The following ESAM variants were observed in gnomAD, a reference collection of about 807,000 sequenced individuals.
The protein encoded by ESAM is endothelial cell adhesion molecule.
In ESAM, 23 loss-of-function variants were observed where a neutral mutation model predicts 31.8. That is an observed-to-expected ratio of 0.72 (90% CI 0.52 to 1.03). The LOEUF is 1.03. ESAM is among the 50% of genes least tolerant of loss of function. The pLI is 0.00. For synonymous variants in ESAM, 216 were observed against 207.2 expected (o/e 1.04, Z -0.37); for missense variants, 478 against 488.9 (o/e 0.98, Z 0.21).
rs1944179561 is a variant in ESAM, at chr11:124,758,244, C to G, written c.249+105G>C. 3 of 1,345,794 alleles carry G rather than the reference C, an allele frequency of 2.2e-6. No homozygotes were observed. In the South Asian group the frequency reaches 3.8e-5, roughly 17 times the overall value. The allele number at this position is 1,345,794 out of a possible 1,614,324, so 83.4% of individuals were successfully genotyped here. Reference sequence around the variant, plus strand: ...CTTCTGCTTTTCCCTGAAACTCCTTCCCCGGCCCCCATTCCCTCTCCACCC... The same window carrying G: ...CTTCTGCTTTTCCCTGAAACTCCTTGCCCGGCCCCCATTCCCTCTCCACCC... On this transcript the variant is annotated intron_variant, in intron 2 of 6. Transcript: ENST00000278927.
At chr11:124,758,559 G>C in intron 1 of ESAM, 32 bp from the exon 2 acceptor site, 1 of 1,479,272 alleles carries the variant, frequency 6.8e-7, no homozygotes, top group Middle Eastern at 2.3e-4. Context: ...GAGTGCCCAG[G>C]ACCGGCTCCC....
At chr11:124,756,148 A>G (rs1591428797) in intron 4 of ESAM, 59 bp downstream of exon 4, 1 of 1,607,012 alleles carries the variant, frequency 6.2e-7, no homozygotes, top group African/African-American at 1.3e-5. Context: ...TCCCTGTGGT[A>G]CCTCTCATCT....
At position 124,756,265 on chromosome 11, in the gene ESAM, G is replaced by C; in HGVS notation, c.549C>G (p.Val183=). ...SCQSPRSKPA[V]QYQWDRQLPS... Reference sequence around the variant, plus strand: ...GAAGCTGCCGATCCCACTGGTATTGGACAGCGGGCTTACTCCTTGGAGACT... The same window carrying C: ...GAAGCTGCCGATCCCACTGGTATTGCACAGCGGGCTTACTCCTTGGAGACT... Residue 183 remains valine (V), a synonymous_variant, in exon 4 of 7, where the codon GTC becomes GTG. Coordinates refer to ENST00000278927, the MANE Select transcript of ESAM (RefSeq NM_138961.3). 1 of 1,614,168 alleles carries C rather than the reference G, an allele frequency of 6.2e-7. No homozygotes were observed. Among genetic ancestry groups the C allele is most frequent in the Non-Finnish European group, 8.5e-7 (1 of 1,180,044 alleles).
intron 1 of ESAM, among the ~76,000 whole-genome samples, chr11:124,760,583 G>A (rs184489987): frequency 3.7e-4 from 56 of 152,362 alleles, no homozygotes; most frequent in Admixed American, 1.8e-3. Context: ...GCGCCTGCAC[G>A]TTGCACCGGG....
chr11:124,758,316 C>T lies in ESAM; in HGVS notation c.249+33G>A, dbSNP rs781149614. 11 of 1,613,660 alleles carry T rather than the reference C, an allele frequency of 6.8e-6. No individual in the cohort carries two copies. The Admixed American group carries it at 1.7e-4, about 24-fold the overall frequency. On this transcript the variant is annotated intron_variant, in intron 2 of 6. Coordinates refer to ENST00000278927, the MANE Select transcript of ESAM (RefSeq NM_138961.3). The stretch of plus-strand genomic sequence containing the variant: ...TGCTTACAACCCCCTCTGGGCGCAA[C>T]TTGCCGCTGGCTGACAGGCGTTCTT...
rs1944115670 is a variant in ESAM at position 124,753,501 on chromosome 11, G to A, written c.*145C>T. On this transcript the variant is annotated 3_prime_UTR_variant, in exon 7 of 7. Coordinates refer to ENST00000278927, the MANE Select transcript of ESAM (RefSeq NM_138961.3). ...CTGGACACTTAGGTCTTACTGAGAT[G>A]GTTTTCCCACAGTAAAGAGAGGTGG... 1.2e-6 allele frequency: 1 copy of A among 854,034 alleles called. No individual in the cohort carries two copies. The highest frequency in any genetic ancestry group is 1.7e-5 in the African/African-American group (1 of 58,440). 52.9% of individuals were successfully genotyped at this position (854,034 alleles called of 1,614,324 possible). A position where few individuals can be genotyped will look rare whatever the true frequency, so the allele number is the denominator to read the frequency against.
intron 4 of ESAM, among the ~76,000 whole-genome samples, chr11:124,755,745 C>G (rs1181273258): frequency 6.6e-6 from 1 of 152,180 alleles, no homozygotes; most frequent in African/African-American, 2.4e-5. Context: ...TTCCATATGA[C>G]CACAATAGCA....
At chr11:124,760,472 C>T (rs920517534) in intron 1 of ESAM, among the ~76,000 whole-genome samples, 1 of 152,220 alleles carries the variant, frequency 6.6e-6, no homozygotes, top group Non-Finnish European at 1.5e-5. Flanking sequence ...CTGAGAAACT[C>T]CCCCCGCGGG....
At position 124,762,247 on chromosome 11, in the gene ESAM, G is replaced by T; in HGVS notation, c.-93C>A. The T allele has an allele frequency of 9.6e-7, 1 of 1,038,208 alleles. No individual in the cohort carries two copies. Among genetic ancestry groups the T allele is most frequent in the East Asian group, 3.1e-5 (1 of 32,122 alleles). 64.3% of individuals were successfully genotyped at this position (1,038,208 alleles called of 1,614,324 possible). A position where few individuals can be genotyped will look rare whatever the true frequency, so the allele number is the denominator to read the frequency against. Reference sequence around the variant, plus strand: ...GCTGCGCGACGGCCGGAGCGTGCGCGGGAGCCGAGCCGCTGACACCCAGGG... The same window carrying T: ...GCTGCGCGACGGCCGGAGCGTGCGCTGGAGCCGAGCCGCTGACACCCAGGG... On this transcript the variant is annotated 5_prime_UTR_variant, in exon 1 of 7. Transcript: ENST00000278927. The surrounding 1 kb of genome is among the most constrained non-coding windows in gnomAD (Gnocchi z 6.4).
intron 2 of ESAM, among the ~76,000 whole-genome samples, chr11:124,757,741 A>G (rs935468771): frequency 1.5e-5 from 2 of 136,100 alleles, no homozygotes; most frequent in African/African-American, 2.9e-5. Context: ...TCCGTCGCCC[A>G]GGCTGAAGTG....
chr11:124,755,023 G>GA (rs1440944979), intron 4 of ESAM, among the ~76,000 whole-genome samples: 1 of 152,188 alleles, frequency 6.6e-6, no homozygotes, highest in Non-Finnish European at 1.5e-5. Context: ...GAAGCACAGA[G>GA]AAACCAAAAC....
At chr11:124,755,330 G>C (rs1944140662) in intron 4 of ESAM, among the ~76,000 whole-genome samples, 1 of 151,916 alleles carries the variant, frequency 6.6e-6, no homozygotes, top group South Asian at 2.1e-4. Flanking sequence ...CACCAGCATG[G>C]CACATGTATA....
chr11:124,761,328 T>C (rs1944226101), intron 1 of ESAM, among the ~76,000 whole-genome samples: 1 of 152,198 alleles, frequency 6.6e-6, no homozygotes, highest in Non-Finnish European at 1.5e-5. Flanking sequence ...CCAGCGCCCC[T>C]GGAGGCCTAC....
At chr11:124,760,497 G>A (rs1441933664) in intron 1 of ESAM, among the ~76,000 whole-genome samples, 2 of 152,256 alleles carry the variant, frequency 1.3e-5, no homozygotes, top group African/African-American at 2.4e-5. Flanking sequence ...TCACGCCCCA[G>A]GGGCAGCAGC....
Position 124,754,669 on chromosome 11 carries a change from T to A in ESAM, c.702A>T (p.Gln234His). The stretch of plus-strand genomic sequence containing the variant: ...TGCTCACTTCCAGCGTCACATTACA[T>A]TGGGCAGTGCCCACCTCATTGTGGG... ...CKAHNEVGTA[Q>H]CNVTLEVSTG... The change falls in exon 5 of 7, where the codon CAA becomes CAT. Residue 234 changes from glutamine to histidine, a missense_variant. Transcript: ENST00000278927. This position sits in a 1 kb window ranked among gnomAD's most constrained non-coding sequence, Gnocchi z 4.5. 1.2e-6 allele frequency: 2 copies of A among 1,613,922 alleles called. No homozygotes were observed. Among genetic ancestry groups the A allele is most frequent in the Non-Finnish European group, 1.7e-6 (2 of 1,179,944 alleles).
Position 124,756,561 on chromosome 11 carries a change from G to A in ESAM, c.431C>T (p.Thr144Ile), listed in dbSNP as rs747674243. The A allele has an allele frequency of 2.5e-6, 4 of 1,614,090 alleles. No individual in the cohort carries two copies. The highest frequency in any genetic ancestry group is 1.1e-5 in the South Asian group (1 of 91,082). Residue 144 changes from threonine to isoleucine, a missense_variant, in exon 3 of 7, where the codon ACC becomes ATC. Transcript: ENST00000278927. ...QGKSRGHSIK[T>I]LELNVLVPPA... ...CTCACCCAGTACATTGAGTTCTAAG[G>A]TTTTGATGCTGTGGCCCCTAGATTT...
rs563559179 is a variant in ESAM at position 124,759,112 on chromosome 11, C to T, written c.71-585G>A. The T allele has an allele frequency of 1.3e-5, 2 of 152,442 alleles. No homozygotes were observed. Among genetic ancestry groups the T allele is most frequent in the East Asian group, 1.9e-4 (1 of 5,170 alleles). The allele number at this position is 152,442 out of a possible 1,614,324, so 9.4% of individuals were successfully genotyped here. A position where few individuals can be genotyped will look rare whatever the true frequency, so the allele number is the denominator to read the frequency against. On this transcript the variant is annotated intron_variant, in intron 1 of 6. Transcript: ENST00000278927. The surrounding 1 kb of genome is among the most constrained non-coding windows in gnomAD (Gnocchi z 6.8). The stretch of plus-strand genomic sequence containing the variant: ...AGCCTGACCCAGTGAATGCGATGCT[C>T]CCCGCCCTCCCGCGCAATCTCAGAG...
Position 124,754,848 on chromosome 11 carries a change from C to T in ESAM, c.608-85G>A. On this transcript the variant is annotated intron_variant, in intron 4 of 6. Coordinates refer to ENST00000278927, the MANE Select transcript of ESAM (RefSeq NM_138961.3). The surrounding 1 kb of genome is among the most constrained non-coding windows in gnomAD (Gnocchi z 4.5). ...AATCTTGTCCCTCCTCTGGAATGTC[C>T]CCTTTGACCCTCTGGGAGTCACGGC... 2 of 1,499,668 alleles carry T rather than the reference C, an allele frequency of 1.3e-6. No individual in the cohort carries two copies. The highest frequency in any genetic ancestry group is 2.3e-5 in the East Asian group (1 of 43,430). The allele number at this position is 1,499,668 out of a possible 1,614,324, so 92.9% of individuals were successfully genotyped here.
At chr11:124,760,612 C>A (rs1944217383) in intron 1 of ESAM, among the ~76,000 whole-genome samples, 1 of 152,246 alleles carries the variant, frequency 6.6e-6, no homozygotes, top group Non-Finnish European at 1.5e-5. Flanking sequence ...TGCCATTTAA[C>A]CCTCGAGTGG....
Sources: allele counts gnomAD v4.1 joint callset (sites outside exome capture counted in the v4.1 genomes callset), GRCh38; gene constraint gnomAD v4.1.1; non-coding constraint Gnocchi (gnomAD v3.1); transcripts MANE v1.5; gene names NCBI Gene and HGNC (gene_info 2026-07-23, HGNC 2026-07-21).